The following SP8 variants were observed in gnomAD, a reference collection of about 807,000 sequenced individuals.
SP8 encodes Sp8 transcription factor.
In SP8, 7 loss-of-function variants were observed where a neutral mutation model predicts 15.3. The ratio of observed to expected loss-of-function variants is 0.46; its 90% CI spans 0.26 to 0.86. The LOEUF (loss-of-function observed/expected upper bound fraction) is 0.86, where lower values mean the gene tolerates loss of function less well. SP8 is among the 40% of genes least tolerant of loss of function. The pLI is 0.16. For synonymous variants in SP8, 415 were observed against 356.3 expected, an observed-to-expected ratio of 1.16 and a Z score of -1.86; for missense variants, 731 against 736.4, an observed-to-expected ratio of 0.99 and a Z score of 0.09.
At position 20,785,568 on chromosome 7, in the gene SP8, C is replaced by G; in HGVS notation, c.249G>C (p.Ser83=). ...GVSGASRNGG[S]SSAAAAAAAA... is the part of the protein sequence containing the mutation. ...CCGCGGCCGCCGCAGCCGCCGAGGA[C>G]GAGCCGCCGTTCCTGGAGGCCCCGG... The change falls in exon 2 of 2, where the codon TCG becomes TCC. Residue 83 remains serine (S), a synonymous_variant. Transcript: ENST00000418710. This position sits in a 1 kb window ranked among gnomAD's most constrained non-coding sequence, Gnocchi z 7.2. 6 of 1,594,588 alleles carry G rather than the reference C, an allele frequency of 3.8e-6. No individual in the cohort carries two copies. The highest frequency in any genetic ancestry group is 4.3e-6 in the Non-Finnish European group (5 of 1,173,242).
Position 20,785,810 on chromosome 7 carries a change from G to A in SP8, c.22-15C>T. The A allele has an allele frequency of 6.2e-7, 1 of 1,604,018 alleles. No individual in the cohort carries two copies. The highest frequency in any genetic ancestry group is 8.5e-7 in the Non-Finnish European group (1 of 1,172,550). On this transcript the variant is annotated splice_polypyrimidine_tract_variant and intron_variant, in intron 1 of 1. Transcript: ENST00000418710. The surrounding 1 kb of genome is among the most constrained non-coding windows in gnomAD (Gnocchi z 7.2). ...CTCGGTTCTTCCTGCGAGGAGGAGA[G>A]GAGAAGGAGTGGGGGAGGGGAGGTG...
In SP8 at chr7:20,784,862, C is replaced by T. The variant is rs555800684; in HGVS notation, c.955G>A (p.Gly319Ser). 25 of 1,525,010 alleles carry T rather than the reference C, an allele frequency of 1.6e-5. No individual in the cohort carries two copies. The African/African-American group carries it at 3.2e-4, about 20-fold the overall frequency. The allele number at this position is 1,525,010 out of a possible 1,614,324, so 94.5% of individuals were successfully genotyped here. The change falls in exon 2 of 2, where the codon GGC becomes AGC. Residue 319 changes from glycine (G) to serine (S), a missense_variant. Around this residue, in one of 3 missense-constraint regions of SP8, gnomAD observed 586 missense variants for 524.9 expected, o/e 1.12. Coordinates refer to ENST00000418710, the MANE Select transcript of SP8 (RefSeq NM_182700.6). Reference sequence around the variant, plus strand: ...GCGCTCAACATGGAGCCCCCCGCGCCGGCCAGCGGCGACGGGGCCGAGTCC... The same window carrying T: ...GCGCTCAACATGGAGCCCCCCGCGCTGGCCAGCGGCGACGGGGCCGAGTCC... ...YPDSAPSPLA[G>S]AGGSMLSAGP...
In SP8 at chr7:20,784,940, C is replaced by A. The variant is rs866954289; in HGVS notation, c.877G>T (p.Ala293Ser). 2 of 1,553,644 alleles carry A rather than the reference C, an allele frequency of 1.3e-6. No homozygotes were observed. Among genetic ancestry groups the A allele is most frequent in the East Asian group, 2.4e-5 (1 of 41,492 alleles). ...AAGCCGTCCATGAGGTGCTGCCCGG[C>A]GGGGCTGAGCAGGTGCGAGGAGGCG... The part of the protein sequence containing the change: ...SGASSHLLSP[A>S]GQHLMDGFKP... Residue 293 changes from alanine (A) to serine (S), a missense_variant, in exon 2 of 2, where the codon GCC (alanine) becomes TCC (serine). Ala to Ser is a moderately conservative substitution (Grantham distance 99, BLOSUM62 1). Transcript: ENST00000418710.
chr7:20,784,816 C>T lies in SP8; in HGVS notation c.1001G>A (p.Gly334Glu). ...GCGAGCTGAGGAGCGCGGGGAGCCC[C>T]CCAGCGGCGCCGAAGGCCCAGCGCT... Reference protein sequence around the residue: ...MLSAGPSAPLGGSPRSSARRY... With the variant: ...MLSAGPSAPLEGSPRSSARRY... Residue 334 changes from glycine (G) to glutamate (E), a missense_variant, in exon 2 of 2, where the codon GGG becomes GAG. Transcript: ENST00000418710. 6.5e-7 allele frequency: 1 copy of T among 1,526,734 alleles called. No individual in the cohort carries two copies. 94.6% of individuals were successfully genotyped at this position (1,526,734 alleles called of 1,614,324 possible).
In SP8 at chr7:20,784,706, T is replaced by G. The variant is rs1783606091; in HGVS notation, c.1111A>C (p.Lys371Gln). 1 of 1,600,416 alleles carries G rather than the reference T, an allele frequency of 6.2e-7. No individual in the cohort carries two copies. Among genetic ancestry groups the G allele is most frequent in the Admixed American group, 1.7e-5 (1 of 59,490 alleles). Residue 371 changes from lysine to glutamine, a missense_variant, in exon 2 of 2, where the codon AAG (lysine) becomes CAG (glutamine). Physicochemically the swap from Lys to Gln is moderately conservative, Grantham distance 53. Around this residue, in one of 3 missense-constraint regions of SP8, gnomAD observed 31 missense variants for 99.6 expected, o/e 0.31. Coordinates refer to ENST00000418710, the MANE Select transcript of SP8 (RefSeq NM_182700.6). ...GGGATGTGGCAGCTGTGCAGGCCCT[T>G]GCGCCGCAAGCTCGCCCCGGCAGGG... Reference protein sequence around the residue: ...LGPAGASLRRKGLHSCHIPGC... With the variant: ...LGPAGASLRRQGLHSCHIPGC...
chr7:20,784,862 C>G lies in SP8; in HGVS notation c.955G>C (p.Gly319Arg). ...GCGCTCAACATGGAGCCCCCCGCGC[C>G]GGCCAGCGGCGACGGGGCCGAGTCC... The part of the protein sequence containing the change: ...YPDSAPSPLA[G>R]AGGSMLSAGP... Residue 319 changes from glycine to arginine, a missense_variant, in exon 2 of 2, where the codon GGC becomes CGC. By Grantham distance (125) the Gly-to-Arg change is moderately radical. Transcript: ENST00000418710. The G allele has an allele frequency of 6.6e-7, 1 of 1,525,010 alleles. No individual in the cohort carries two copies. The highest frequency in any genetic ancestry group is 8.8e-7 in the Non-Finnish European group (1 of 1,142,642). The allele number at this position is 1,525,010 out of a possible 1,614,324, so 94.5% of individuals were successfully genotyped here.
Position 20,786,829 on chromosome 7 carries a change from ATC to A in SP8, c.-33_-32del. Reference sequence around the variant, plus strand: ...AAAAGTGCCCTCCTCCTCTCAGAGGATCTTTTTTATATTGATAAATCAGAGGC... The same window carrying A: ...AAAAGTGCCCTCCTCCTCTCAGAGGATTTTTTATATTGATAAATCAGAGGC... On this transcript the variant is annotated 5_prime_UTR_variant, in exon 1 of 2. Transcript: ENST00000418710. The surrounding 1 kb of genome is among the most constrained non-coding windows in gnomAD (Gnocchi z 4.4). The A allele has an allele frequency of 6.3e-7, 1 of 1,583,668 alleles. No homozygotes were observed. Among genetic ancestry groups the A allele is most frequent in the Non-Finnish European group, 8.7e-7 (1 of 1,152,250 alleles).
At position 20,784,904 on chromosome 7, in the gene SP8, G is replaced by C. The variant is rs770287483; in HGVS notation, c.913C>G (p.Leu305Val). 2 of 1,537,816 alleles carry C rather than the reference G, an allele frequency of 1.3e-6. No individual in the cohort carries two copies. Among genetic ancestry groups the C allele is most frequent in the Non-Finnish European group, 1.7e-6 (2 of 1,148,348 alleles). The change falls in exon 2 of 2, where the codon CTA (leucine) becomes GTA (valine). Residue 305 changes from leucine (L) to valine (V), a missense_variant. Physicochemically the swap from Leu to Val is conservative, Grantham distance 32. Transcript: ENST00000418710. The part of the protein sequence containing the change: ...QHLMDGFKPV[L>V]PGSYPDSAPS... ...GCCGAGTCCGGGTAGGAGCCGGGTA[G>C]CACTGGCTTGAAGCCGTCCATGAGG...
chr7:20,782,333 A>G lies in SP8; in HGVS notation c.*1957T>C, dbSNP rs561834892. ...TTAAAATATTACAAATAAATCAATT[A>G]CATTTCATGCATTTAAAATGCAAAT... On this transcript the variant is annotated 3_prime_UTR_variant, in exon 2 of 2. Coordinates refer to ENST00000418710, the MANE Select transcript of SP8 (RefSeq NM_182700.6). 25 of 152,806 alleles carry G rather than the reference A, an allele frequency of 1.6e-4. No individual in the cohort carries two copies. The South Asian group carries it at 5.0e-3, about 30-fold the overall frequency. The allele number at this position is 152,806 out of a possible 1,614,324, so 9.5% of individuals were successfully genotyped here. A position where few individuals can be genotyped will look rare whatever the true frequency, so the allele number is the denominator to read the frequency against.
In SP8 at chr7:20,782,495, T is replaced by A. The variant is rs1414626134; in HGVS notation, c.*1795A>T. On this transcript the variant is annotated 3_prime_UTR_variant, in exon 2 of 2. Transcript: ENST00000418710. ...AGAAGTATTTATTAACAGTTAACAA[T>A]ATTACCTTCAGGAAATACACAAAGG... 1 of 152,654 alleles carries A rather than the reference T, an allele frequency of 6.6e-6. No homozygotes were observed. The highest frequency in any genetic ancestry group is 1.5e-5 in the Non-Finnish European group (1 of 68,044). The allele number at this position is 152,654 out of a possible 1,614,324, so 9.5% of individuals were successfully genotyped here.
rs893684231 is a variant in SP8, at chr7:20,785,165, C to T, written c.652G>A (p.Gly218Ser). The T allele has an allele frequency of 1.3e-6, 2 of 1,597,070 alleles. No individual in the cohort carries two copies. The highest frequency in any genetic ancestry group is 1.7e-6 in the Non-Finnish European group (2 of 1,173,446). Residue 218 changes from glycine (G) to serine (S), a missense_variant, in exon 2 of 2, where the codon GGC becomes AGC. This residue lies in a region of SP8 where 586 missense variants were observed against 524.9 expected (regional missense o/e 1.12). Transcript: ENST00000418710. This position sits in a 1 kb window ranked among gnomAD's most constrained non-coding sequence, Gnocchi z 7.2. ...GAGGCGCCGGCCGAGCCCACCTCGCCCGCAGCACCCAGGCCCGGGTGCGAG... is the reference window on the plus strand; with the variant it reads ...GAGGCGCCGGCCGAGCCCACCTCGCTCGCAGCACCCAGGCCCGGGTGCGAG... ...KPSHPGLGAAGEVGSAGASSW... is the reference protein window; with the variant it reads ...KPSHPGLGAASEVGSAGASSW...
chr7:20,785,826 A>C lies in SP8; in HGVS notation c.22-31T>G. The C allele has an allele frequency of 1.3e-6, 1 of 761,924 alleles. No homozygotes were observed. Among genetic ancestry groups the C allele is most frequent in the Non-Finnish European group, 2.0e-6 (1 of 496,500 alleles). 47.2% of individuals were successfully genotyped at this position (761,924 alleles called of 1,614,324 possible). A position where few individuals can be genotyped will look rare whatever the true frequency, so the allele number is the denominator to read the frequency against. On this transcript the variant is annotated intron_variant, in intron 1 of 1. Transcript: ENST00000418710. This position sits in a 1 kb window ranked among gnomAD's most constrained non-coding sequence, Gnocchi z 7.2. ...AGGAGGAGAGGAGAAGGAGTGGGGG[A>C]GGGGAGGTGGGCAAAGGGCCGGTGG...
chr7:20,784,334 G>A lies in SP8; in HGVS notation c.1483C>T (p.Leu495=), dbSNP rs1386245383. The change falls in exon 2 of 2, where the codon CTG becomes TTG. Residue 495 remains leucine (L), a synonymous_variant. Coordinates refer to ENST00000418710, the MANE Select transcript of SP8 (RefSeq NM_182700.6). ...TGCCCGGGCTCGGGGGGCTGCAGCA[G>A]CTCTGGGGAGTGGCAGGGCGGGCTG... ...AGSPPCHSPE[L]LQPPEPGHRN... The A allele has an allele frequency of 6.6e-7, 1 of 1,518,852 alleles. No homozygotes were observed. Among genetic ancestry groups the A allele is most frequent in the South Asian group, 1.2e-5 (1 of 82,238 alleles). 94.1% of individuals were successfully genotyped at this position (1,518,852 alleles called of 1,614,324 possible).
In SP8 at chr7:20,786,654, A is replaced by T; in HGVS notation, c.21+124T>A. On this transcript the variant is annotated intron_variant, in intron 1 of 1. Coordinates refer to ENST00000418710, the MANE Select transcript of SP8 (RefSeq NM_182700.6). The surrounding 1 kb of genome is among the most constrained non-coding windows in gnomAD (Gnocchi z 4.4). ...TCCAAACTCACTTGTATTTAAAGAA[A>T]AAAAAAAAAAGCTCTCAATAGAGAG... The T allele has an allele frequency of 2.5e-6, 2 of 800,986 alleles. No homozygotes were observed. Among genetic ancestry groups the T allele is most frequent in the Admixed American group, 2.2e-5 (1 of 44,950 alleles). 49.6% of individuals were successfully genotyped at this position (800,986 alleles called of 1,614,324 possible). A position where few individuals can be genotyped will look rare whatever the true frequency, so the allele number is the denominator to read the frequency against.
Position 20,786,852 on chromosome 7 carries a change from G to A in SP8, c.-54C>T. 1 of 1,461,264 alleles carries A rather than the reference G, an allele frequency of 6.8e-7. No homozygotes were observed. Among genetic ancestry groups the A allele is most frequent in the Non-Finnish European group, 9.6e-7 (1 of 1,040,210 alleles). 90.5% of individuals were successfully genotyped at this position (1,461,264 alleles called of 1,614,324 possible). A position where few individuals can be genotyped will look rare whatever the true frequency, so the allele number is the denominator to read the frequency against. ...GGATCTTTTTTATATTGATAAATCA[G>A]AGGCAGTGTTTTTTTTAGAGGTGTG... is the stretch of plus-strand genomic sequence containing the variant. On this transcript the variant is annotated 5_prime_UTR_variant, in exon 1 of 2. Coordinates refer to ENST00000418710, the MANE Select transcript of SP8 (RefSeq NM_182700.6). The surrounding 1 kb of genome is among the most constrained non-coding windows in gnomAD (Gnocchi z 4.4).
rs1783590560 is a variant in SP8 at position 20,784,276 on chromosome 7, G to A, written c.*14C>T. ...GGGAGGAGGTCGGGGAGAGGGGCGG[G>A]CGCAGGGTGGGCGTCACTCTAGGCC... On this transcript the variant is annotated 3_prime_UTR_variant, in exon 2 of 2. Coordinates refer to ENST00000418710, the MANE Select transcript of SP8 (RefSeq NM_182700.6). The A allele has an allele frequency of 6.9e-6, 10 of 1,449,118 alleles. No homozygotes were observed. The highest frequency in any genetic ancestry group is 2.8e-5 in the East Asian group (1 of 35,570). 89.8% of individuals were successfully genotyped at this position (1,449,118 alleles called of 1,614,324 possible).
At position 20,785,243 on chromosome 7, in the gene SP8, C is replaced by G; in HGVS notation, c.574G>C (p.Gly192Arg). 2 of 1,597,462 alleles carry G rather than the reference C, an allele frequency of 1.3e-6. No individual in the cohort carries two copies. The highest frequency in any genetic ancestry group is 2.2e-5 in the South Asian group (2 of 89,024). ...KVHTSVDGLQ[G>R]IYPRVGMAHP... ...GCCATGCCCACCCGCGGGTAGATGC[C>G]CTGCAGCCCGTCCACAGAGGTGTGC... is the stretch of plus-strand genomic sequence containing the variant. The change falls in exon 2 of 2, where the codon GGC (glycine) becomes CGC (arginine). Residue 192 changes from glycine to arginine, a missense_variant. Coordinates refer to ENST00000418710, the MANE Select transcript of SP8 (RefSeq NM_182700.6). This position sits in a 1 kb window ranked among gnomAD's most constrained non-coding sequence, Gnocchi z 7.2.
Position 20,782,739 on chromosome 7 carries a change from C to G in SP8, c.*1551G>C, listed in dbSNP as rs1173922689. 6.6e-6 allele frequency: 1 copy of G among 152,562 alleles called. No homozygotes were observed. Among genetic ancestry groups the G allele is most frequent in the Non-Finnish European group, 1.5e-5 (1 of 68,030 alleles). The allele number at this position is 152,562 out of a possible 1,614,324, so 9.5% of individuals were successfully genotyped here. A position where few individuals can be genotyped will look rare whatever the true frequency, so the allele number is the denominator to read the frequency against. ...TATCTAAATTCATATTCGAGCAAAA[C>G]TAGGCCCCGAAAGTGCGTTTGTGGC... is the stretch of plus-strand genomic sequence containing the variant. On this transcript the variant is annotated 3_prime_UTR_variant, in exon 2 of 2. Coordinates refer to ENST00000418710, the MANE Select transcript of SP8 (RefSeq NM_182700.6).
In SP8 at chr7:20,784,961, A is replaced by G. The variant is rs1783615743; in HGVS notation, c.856T>C (p.Ser286Pro). The change falls in exon 2 of 2, where the codon TCC becomes CCC. Residue 286 changes from serine (S) to proline (P), a missense_variant. Physicochemically the swap from Ser to Pro is moderately conservative, Grantham distance 74. Transcript: ENST00000418710. ...CCGGCGGGGCTGAGCAGGTGCGAGG[A>G]GGCGCCGCTGCTGAAGGCCGAGTGA... The part of the protein sequence containing the change: ...LSHSAFSSGA[S>P]SHLLSPAGQH... 2 of 1,562,256 alleles carry G rather than the reference A, an allele frequency of 1.3e-6. No homozygotes were observed. The highest frequency in any genetic ancestry group is 1.7e-6 in the Non-Finnish European group (2 of 1,161,164).
Sources: allele counts gnomAD v4.1 joint callset, GRCh38; gene constraint gnomAD v4.1.1; regional missense constraint gnomAD v4.1.1; non-coding constraint Gnocchi (gnomAD v3.1); transcripts MANE v1.5; gene names NCBI Gene and HGNC (gene_info 2026-07-23, HGNC 2026-07-21).